The following EPB41 variants were observed in gnomAD, a reference collection of about 807,000 sequenced individuals.
The protein encoded by EPB41 is protein 4.1.
EPB41 carries 65 observed loss-of-function variants against 108.0 expected under a neutral mutation model. The observed-to-expected ratio is 0.60, with a 90% CI of 0.49 to 0.74. The LOEUF (loss-of-function observed/expected upper bound fraction) is 0.74. EPB41 is among the 30% of genes least tolerant of loss of function. EPB41 has a pLI of 0.00. For synonymous variants in EPB41, 336 were observed against 358.9 expected (o/e 0.94, Z 0.72); for missense variants, 875 against 1,037.0 (o/e 0.84, Z 2.15).
At chr1:28,902,910 G>A (rs1442124014) in intron 1 of EPB41, among the ~76,000 whole-genome samples, 2 of 152,108 alleles carry the variant, frequency 1.3e-5, no homozygotes, top group Non-Finnish European at 2.9e-5. Context: ...GACCTCACTA[G>A]GGAAGAGAGG....
At chr1:28,944,650 C>T (rs1462936098) in intron 1 of EPB41, among the ~76,000 whole-genome samples, 2 of 150,214 alleles carry the variant, frequency 1.3e-5, no homozygotes, top group African/African-American at 4.9e-5. Flanking sequence ...GATTCTCCTG[C>T]CTCAGCCTCC....
intron 16 of EPB41, among the ~76,000 whole-genome samples, chr1:29,092,935 T>C (rs1373321140): frequency 1.3e-5 from 2 of 152,262 alleles, no homozygotes; most frequent in East Asian, 3.8e-4. Context: ...TACCACATTT[T>C]CTTTATCTAA....
chr1:29,098,945 G>A (rs1352542132), intron 17 of EPB41, among the ~76,000 whole-genome samples: 1 of 149,960 alleles, frequency 6.7e-6, no homozygotes, highest in Non-Finnish European at 1.5e-5. Context: ...GGCTAGTCTC[G>A]AACTCCTGAC....
At chr1:29,088,570 A>C (rs575609898) in intron 16 of EPB41, among the ~76,000 whole-genome samples, 14 of 152,330 alleles carry the variant, frequency 9.2e-5, no homozygotes, top group African/African-American at 3.4e-4. Context: ...GATGATGGTC[A>C]CAGCCAAAGG....
At position 28,966,386 on chromosome 1, in the gene EPB41, G is replaced by A. The variant is rs2095357071; in HGVS notation, c.-7-21045G>A. On this transcript the variant is annotated intron_variant, in intron 1 of 20. Transcript: ENST00000343067. The stretch of plus-strand genomic sequence containing the variant: ...ATGAGGAAAGTAGTTTCTGGCCTTT[G>A]GACTTATCAAAATCAGTCTTTCTTT... 3.9e-5 allele frequency among the ~76,000 whole-genome samples: 6 copies of A among 151,988 alleles called. No homozygotes were observed. The South Asian group carries it at 1.2e-3, about 32-fold the overall frequency.
In EPB41 at chr1:28,943,103, C is replaced by T. The variant is rs375959624; in HGVS notation, c.-8+28335C>T. ...GGAATAAAAGATATAAGAAAAAGTT[C>T]TTCTCCTACTTATATACCAGGAGTG... is the stretch of plus-strand genomic sequence containing the variant. On this transcript the variant is annotated intron_variant, in intron 1 of 20. Transcript: ENST00000343067. Among the ~76,000 whole-genome samples, 5 of 152,244 alleles carry T rather than the reference C, an allele frequency of 3.3e-5. No homozygotes were observed. The South Asian group carries it at 1.0e-3, about 32-fold the overall frequency.
At chr1:28,982,117 TC>T (rs2095764120) in intron 1 of EPB41, among the ~76,000 whole-genome samples, 1 of 152,014 alleles carries the variant, frequency 6.6e-6, no homozygotes, top group African/African-American at 2.4e-5. Context: ...GTTGTTCAAT[TC>T]CCACCTATGA....
chr1:29,053,929 T>C (rs1322840934), intron 12 of EPB41: 2 of 152,690 alleles, frequency 1.3e-5, no homozygotes, highest in East Asian at 3.8e-4. Context: ...TTTAAAATAA[T>C]TTTACTCATC....
intron 1 of EPB41, among the ~76,000 whole-genome samples, chr1:28,903,325 TC>T (rs1328385410): frequency 4.0e-4 from 60 of 148,332 alleles, no homozygotes; most frequent in African/African-American, 1.5e-3. Flanking sequence ...TTCTTTTCTT[TC>T]TTTTTTTTTT....
chr1:28,977,978 A>T (rs1211222784), intron 1 of EPB41, among the ~76,000 whole-genome samples: 8 of 144,964 alleles, frequency 5.5e-5, no homozygotes, highest in Admixed American at 5.4e-4. Context: ...AAGAACATAG[A>T]TGCAAACTCT....
At chr1:29,008,139 T>C (rs1006403410) in intron 4 of EPB41, among the ~76,000 whole-genome samples, 2 of 152,222 alleles carry the variant, frequency 1.3e-5, no homozygotes, top group African/African-American at 4.8e-5. Flanking sequence ...TTTTAGTGAA[T>C]AGTGCCACAT....
intron 1 of EPB41, among the ~76,000 whole-genome samples, chr1:28,891,730 G>C (rs2090131940): frequency 6.6e-6 from 1 of 152,160 alleles, no homozygotes. Flanking sequence ...GGTGGTGGGA[G>C]CATTTCTGAC....
intron 1 of EPB41, among the ~76,000 whole-genome samples, chr1:28,963,344 CGTGTGTGTGTGTGTGTGT>C (rs57558766): frequency 1.4e-5 from 2 of 146,322 alleles, no homozygotes; most frequent in Admixed American, 6.8e-5. Context: ...AAATCAGAAT[CGTGTGTGTGTGTGTGTGT>C]GTGTGTGTGT....
intron 1 of EPB41, among the ~76,000 whole-genome samples, chr1:28,964,269 TC>T (rs1200897516): frequency 2.6e-5 from 4 of 152,012 alleles, no homozygotes; most frequent in African/African-American, 9.7e-5. Flanking sequence ...CATGGTGAAA[TC>T]CCGTCTCTAC....
At chr1:28,890,684 C>A (rs563428399) in intron 1 of EPB41, among the ~76,000 whole-genome samples, 2 of 152,188 alleles carry the variant, frequency 1.3e-5, no homozygotes, top group East Asian at 1.9e-4. Context: ...GCCTTTAATA[C>A]GCTGCATTAA....
chr1:28,894,831 G>A (rs998111601), intron 1 of EPB41, among the ~76,000 whole-genome samples: 1 of 152,172 alleles, frequency 6.6e-6, no homozygotes, highest in Non-Finnish European at 1.5e-5. Flanking sequence ...TCCCAGCCCT[G>A]GGCTCATTCT....
chr1:29,015,589 AAG>A, intron 5 of EPB41, 101 bp from the exon 6 acceptor site: 2 of 819,300 alleles, frequency 2.4e-6, no homozygotes, highest in Admixed American at 2.4e-5. Context: ...AAAAAAAAAA[AAG>A]AAAGAAAAAG....
intron 1 of EPB41, among the ~76,000 whole-genome samples, chr1:28,946,338 A>C (rs535813368): frequency 6.6e-6 from 1 of 152,118 alleles, no homozygotes; most frequent in East Asian, 1.9e-4. Context: ...TGATCTCCTG[A>C]CCTCGTGATC....
chr1:28,935,399 GCACTC>G (rs1467006228), intron 1 of EPB41, among the ~76,000 whole-genome samples: 1 of 118,510 alleles, frequency 8.4e-6, no homozygotes, highest in Non-Finnish European at 1.7e-5. Flanking sequence ...CACGCCATTT[GCACTC>G]CAGCCTGGGA....
Sources: allele counts gnomAD v4.1 joint callset (sites outside exome capture counted in the v4.1 genomes callset), GRCh38; gene constraint gnomAD v4.1.1; transcripts MANE v1.5; gene names NCBI Gene and HGNC (gene_info 2026-07-23, HGNC 2026-07-21).